Variants in PPARA observed in about 807,000 individuals in gnomAD.
The protein encoded by PPARA is peroxisome proliferator activated receptor alpha.
A neutral mutation model predicts 42.2 loss-of-function variants in PPARA; 22 were observed. The ratio of observed to expected loss-of-function variants is 0.52; its 90% CI spans 0.37 to 0.74. PPARA has a LOEUF of 0.74. Among genes scored for constraint, PPARA ranks in the 30% least tolerant of loss-of-function variants. PPARA has a pLI of 0.00. For missense variants in PPARA, 465 were observed against 608.2 expected, an observed-to-expected ratio of 0.76 and a Z score of 2.48; for synonymous variants, 242 against 239.3, an observed-to-expected ratio of 1.01 and a Z score of -0.10.
Position 46,222,911 on chromosome 22 carries a change from G to C in PPARA, c.711+2897G>C, listed in dbSNP as rs567723330. 2.6e-5 allele frequency among the ~76,000 whole-genome samples: 4 copies of C among 152,194 alleles called. No homozygotes were observed. The highest frequency in any genetic ancestry group is 4.8e-5 in the African/African-American group (2 of 41,446). On this transcript the variant is annotated intron_variant, in intron 7 of 8. Transcript: ENST00000407236. This position sits in a 1 kb window ranked among gnomAD's most constrained non-coding sequence, Gnocchi z 5.9. ...ATGGTGGCATGTGCCTGTGGTCCCA[G>C]GTACTTGGGAAGCTGAGATGGGAGG... is the stretch of plus-strand genomic sequence containing the variant.
chr22:46,219,846 A>C lies in PPARA; in HGVS notation c.543A>C (p.Lys181Asn). The C allele has an allele frequency of 6.2e-7, 1 of 1,614,248 alleles. No homozygotes were observed. Among genetic ancestry groups the C allele is most frequent in the Non-Finnish European group, 8.5e-7 (1 of 1,180,058 alleles). ...IRFGRMPRSE[K>N]AKLKAEILTC... ...TTGGACGAATGCCAAGATCTGAGAA[A>C]GCAAAACTGAAAGCAGAAATTCTTA... The change falls in exon 7 of 9, where the codon AAA becomes AAC. Residue 181 changes from lysine to asparagine, a missense_variant. Physicochemically the swap from Lys to Asn is moderately conservative, Grantham distance 94. Coordinates refer to ENST00000407236, the MANE Select transcript of PPARA (RefSeq NM_005036.6). The surrounding 1 kb of genome is among the most constrained non-coding windows in gnomAD (Gnocchi z 4.8).
intron 3 of PPARA, among the ~76,000 whole-genome samples, chr22:46,177,071 C>T (rs1432799034): frequency 3.9e-5 from 6 of 152,184 alleles, no homozygotes; most frequent in Middle Eastern, 3.4e-3. Flanking sequence ...ATTAGCCGGG[C>T]ATGGTGGCAG....
In PPARA at chr22:46,150,658, CGGGGGCGGGCGG is replaced by C. The variant is rs1924240042; in HGVS notation, c.-210+8_-210+19del. ...GGCGGCGGACCGCGGCCCAGGTGCC[CGGGGGCGGGCGG>C]GCGGGCGGGCGGGAACGCGCGCGGG... On this transcript the variant is annotated splice_region_variant and intron_variant, in intron 1 of 8. Transcript: ENST00000407236. The surrounding 1 kb of genome is among the most constrained non-coding windows in gnomAD (Gnocchi z 7.5). 6.6e-5 allele frequency: 1 copy of C among 15,104 alleles called. No homozygotes were observed. Among genetic ancestry groups the C allele is most frequent in the African/African-American group, 2.8e-4 (1 of 3,582 alleles). The allele number at this position is 15,104 out of a possible 1,614,324, so 0.9% of individuals were successfully genotyped here. A position where few individuals can be genotyped will look rare whatever the true frequency, so the allele number is the denominator to read the frequency against.
chr22:46,176,300 A>G (rs1263730959), intron 2 of PPARA, among the ~76,000 whole-genome samples: 2 of 152,202 alleles, frequency 1.3e-5, no homozygotes, highest in Non-Finnish European at 2.9e-5. Context: ...AGCCTGGCCA[A>G]CATGGCAAAA....
rs1935333241 is a variant in PPARA at position 46,225,341 on chromosome 22, G to A, written c.711+5327G>A. On this transcript the variant is annotated intron_variant, in intron 7 of 8. Transcript: ENST00000407236. This position sits in a 1 kb window ranked among gnomAD's most constrained non-coding sequence, Gnocchi z 4.1. The stretch of plus-strand genomic sequence containing the variant: ...AAGCAGAGTCAGGGGGCTGAGGGAG[G>A]CAATAAAAATGGGTGCTTTTCAACA... Among the ~76,000 whole-genome samples the A allele has an allele frequency of 6.6e-6, 1 of 152,150 alleles. No homozygotes were observed. Among genetic ancestry groups the A allele is most frequent in the African/African-American group, 2.4e-5 (1 of 41,402 alleles).
chr22:46,224,906 C>G lies in PPARA; in HGVS notation c.711+4892C>G, dbSNP rs1382037319. On this transcript the variant is annotated intron_variant, in intron 7 of 8. Coordinates refer to ENST00000407236, the MANE Select transcript of PPARA (RefSeq NM_005036.6). The surrounding 1 kb of genome is among the most constrained non-coding windows in gnomAD (Gnocchi z 5.7). ...GCCAATGCCTTTCTTCTGTCAAGAT[C>G]AGCTCGTGGCCTTCAGATCAGATGA... Among the ~76,000 whole-genome samples the G allele has an allele frequency of 6.6e-6, 1 of 150,876 alleles. No homozygotes were observed. The highest frequency in any genetic ancestry group is 2.0e-4 in the East Asian group (1 of 5,080).
intron 2 of PPARA, 147 bp downstream of exon 2, chr22:46,152,117 C>T (rs1924523443): frequency 6.6e-6 from 1 of 150,474 alleles, no homozygotes; most frequent in Non-Finnish European, 1.5e-5. Flanking sequence ...AAGTAAAATA[C>T]ATGTGCATGG....
chr22:46,166,618 C>CAAAAA (rs60478706), intron 2 of PPARA, among the ~76,000 whole-genome samples: 8 of 105,820 alleles, frequency 7.6e-5, no homozygotes, highest in African/African-American at 2.8e-4. Flanking sequence ...ACTACCATCT[C>CAAAAA]AAAAAAAAAA....
At chr22:46,179,919 G>T (rs544223224) in intron 3 of PPARA, among the ~76,000 whole-genome samples, 10 of 152,206 alleles carry the variant, frequency 6.6e-5, no homozygotes, top group Non-Finnish European at 1.3e-4. Context: ...CAAACACATT[G>T]TCAAAGAAGA....
chr22:46,182,318 A>G lies in PPARA; in HGVS notation c.-43+5482A>G, dbSNP rs1033065352. 6.6e-6 allele frequency among the ~76,000 whole-genome samples: 1 copy of G among 152,242 alleles called. No individual in the cohort carries two copies. Among genetic ancestry groups the G allele is most frequent in the Non-Finnish European group, 1.5e-5 (1 of 68,044 alleles). ...CTTGGAAACCATTCAGATGCCATTA[A>G]TAGGTGAATATATTCTCAAACTGTG... is the stretch of plus-strand genomic sequence containing the variant. On this transcript the variant is annotated intron_variant, in intron 3 of 8. Coordinates refer to ENST00000407236, the MANE Select transcript of PPARA (RefSeq NM_005036.6). The surrounding 1 kb of genome is among the most constrained non-coding windows in gnomAD (Gnocchi z 5.2).
Position 46,226,573 on chromosome 22 carries a change from C to T in PPARA, c.712-5219C>T, listed in dbSNP as rs1051142269. Among the ~76,000 whole-genome samples the T allele has an allele frequency of 4.6e-5, 7 of 152,136 alleles. 1 individual carries two copies. The East Asian group carries it at 1.4e-3, about 29-fold the overall frequency. On this transcript the variant is annotated intron_variant, in intron 7 of 8. Coordinates refer to ENST00000407236, the MANE Select transcript of PPARA (RefSeq NM_005036.6). ...TAGCTTCAGTTATGGAAGATTTTAC[C>T]CTCTGAGAATAGAACTGAATTTTAG...
At position 46,182,349 on chromosome 22, in the gene PPARA, C is replaced by T. The variant is rs908418139; in HGVS notation, c.-43+5513C>T. ...GAATATATTCTCAAACTGTGGTTAT[C>T]CATACAATGGAGTATTACTTTGCAA... On this transcript the variant is annotated intron_variant, in intron 3 of 8. Transcript: ENST00000407236. This position sits in a 1 kb window ranked among gnomAD's most constrained non-coding sequence, Gnocchi z 5.2. Among the ~76,000 whole-genome samples, 4 of 152,178 alleles carry T rather than the reference C, an allele frequency of 2.6e-5. No homozygotes were observed. The highest frequency in any genetic ancestry group is 2.6e-4 in the Admixed American group (4 of 15,278).
chr22:46,163,715 C>A lies in PPARA; in HGVS notation c.-127+11745C>A, dbSNP rs1193758237. On this transcript the variant is annotated intron_variant, in intron 2 of 8. Transcript: ENST00000407236. The surrounding 1 kb of genome is among the most constrained non-coding windows in gnomAD (Gnocchi z 4.9). ...GCGGTGGGGAGGGAGACAGCCACATCCTGCCCGGGGCTCCTGGGCCCCGCT... is the reference window on the plus strand; with the variant it reads ...GCGGTGGGGAGGGAGACAGCCACATACTGCCCGGGGCTCCTGGGCCCCGCT... 1.3e-5 allele frequency: 2 copies of A among 152,282 alleles called. No homozygotes were observed. The highest frequency in any genetic ancestry group is 1.3e-4 in the Admixed American group (2 of 15,282). The allele number at this position is 152,282 out of a possible 1,614,324, so 9.4% of individuals were successfully genotyped here. A position where few individuals can be genotyped will look rare whatever the true frequency, so the allele number is the denominator to read the frequency against.
In PPARA at chr22:46,239,959, T is replaced by G. The variant is rs1359684002; in HGVS notation, c.*4579T>G. 1 of 389,870 alleles carries G rather than the reference T, an allele frequency of 2.6e-6. No individual in the cohort carries two copies. Among genetic ancestry groups the G allele is most frequent in the East Asian group, 3.6e-5 (1 of 27,460 alleles). 24.2% of individuals were successfully genotyped at this position (389,870 alleles called of 1,614,324 possible). On this transcript the variant is annotated 3_prime_UTR_variant, in exon 9 of 9. Coordinates refer to ENST00000407236, the MANE Select transcript of PPARA (RefSeq NM_005036.6). ...TCCTGATCCAGTGGCCACACCTGTC[T>G]TTGAAATGTCTCACTGAACTCCAGT...
rs949199161 is a variant in PPARA, at chr22:46,167,349, C to T, written c.-126-9404C>T. Among the ~76,000 whole-genome samples the T allele has an allele frequency of 5.5e-4, 83 of 151,620 alleles. 1 individual carries two copies. The highest frequency in any genetic ancestry group is 8.8e-5 in the Non-Finnish European group (6 of 67,960). Reference sequence around the variant, plus strand: ...ATTATTATTGAAATGGGTCATAGATCTAATTGTAAGAGTTAAAACCATCCA... The same window carrying T: ...ATTATTATTGAAATGGGTCATAGATTTAATTGTAAGAGTTAAAACCATCCA... On this transcript the variant is annotated intron_variant, in intron 2 of 8. Transcript: ENST00000407236. The surrounding 1 kb of genome is among the most constrained non-coding windows in gnomAD (Gnocchi z 4.1).
rs1931040579 is a variant in PPARA, at chr22:46,187,942, A to G, written c.-42-10400A>G. 6.6e-6 allele frequency among the ~76,000 whole-genome samples: 1 copy of G among 152,230 alleles called. No homozygotes were observed. Among genetic ancestry groups the G allele is most frequent in the East Asian group, 1.9e-4 (1 of 5,202 alleles). On this transcript the variant is annotated intron_variant, in intron 3 of 8. Transcript: ENST00000407236. The surrounding 1 kb of genome is among the most constrained non-coding windows in gnomAD (Gnocchi z 4.9). ...TGAGGTCTACCTTAAGAGGCTTTGCAGATTCCACATTCAACCTCTTGGAAT... is the reference window on the plus strand; with the variant it reads ...TGAGGTCTACCTTAAGAGGCTTTGCGGATTCCACATTCAACCTCTTGGAAT...
In PPARA at chr22:46,181,299, G is replaced by A; in HGVS notation, c.-43+4463G>A. 1.3e-5 allele frequency among the ~76,000 whole-genome samples: 2 copies of A among 152,120 alleles called. 1 individual carries two copies. Among genetic ancestry groups the A allele is most frequent in the Middle Eastern group, 6.3e-3 (2 of 316 alleles). On this transcript the variant is annotated intron_variant, in intron 3 of 8. Coordinates refer to ENST00000407236, the MANE Select transcript of PPARA (RefSeq NM_005036.6). ...AGACACAGATCTCTTAGCACGGACT[G>A]TGTGCTCTGAGGCGAGTGTGTGATT...
In PPARA at chr22:46,200,875, G is replaced by T. The variant is rs1035670263; in HGVS notation, c.208+2284G>T. Among the ~76,000 whole-genome samples, 1 of 151,844 alleles carries T rather than the reference G, an allele frequency of 6.6e-6. No individual in the cohort carries two copies. Among genetic ancestry groups the T allele is most frequent in the Non-Finnish European group, 1.5e-5 (1 of 68,016 alleles). On this transcript the variant is annotated intron_variant, in intron 4 of 8. Transcript: ENST00000407236. This position sits in a 1 kb window ranked among gnomAD's most constrained non-coding sequence, Gnocchi z 4.8. ...GGAGGCAGAGGTTGCAGTGAGCAGA[G>T]ATCATGCCACTGTACTCTAGCTTGG...
chr22:46,189,394 C>T (rs906873083), intron 3 of PPARA, among the ~76,000 whole-genome samples: 1 of 152,232 alleles, frequency 6.6e-6, no homozygotes, highest in African/African-American at 2.4e-5. Context: ...GAGGAGCTCA[C>T]AGCTCTTGTG....
Sources: allele counts gnomAD v4.1 joint callset (sites outside exome capture counted in the v4.1 genomes callset), GRCh38; gene constraint gnomAD v4.1.1; non-coding constraint Gnocchi (gnomAD v3.1); transcripts MANE v1.5; gene names NCBI Gene and HGNC (gene_info 2026-07-23, HGNC 2026-07-21).